The following FRMD6 variants were observed in gnomAD, a reference collection of about 807,000 sequenced individuals.
FRMD6 encodes the protein FERM domain-containing protein 6.
FRMD6 carries 37 observed loss-of-function variants against 73.2 expected under a neutral mutation model. The observed-to-expected ratio is 0.51, with a 90% CI of 0.39 to 0.66. The LOEUF is 0.66. Among genes scored for constraint, FRMD6 ranks in the 30% least tolerant of loss-of-function variants. The probability of loss-of-function intolerance (pLI) is 0.00; values close to 1 mark genes in which losing one functional copy is unlikely to be tolerated. For synonymous variants in FRMD6, 273 were observed against 282.2 expected (o/e 0.97, Z 0.33); for missense variants, 714 against 780.5 (o/e 0.91, Z 1.02).
At chr14:51,505,771 G>A (rs899565375) in intron 1 of FRMD6, among the ~76,000 whole-genome samples, 7 of 151,964 alleles carry the variant, frequency 4.6e-5, no homozygotes, top group South Asian at 2.1e-4. Context: ...GTCCCCCCTC[G>A]ACTCGATCAC....
chr14:51,426,347 G>T, the FRMD6 span, among the ~76,000 whole-genome samples: 3 of 151,956 alleles, frequency 2.0e-5, no homozygotes, highest in Non-Finnish European at 4.4e-5. Flanking sequence ...CTGTGCCCGC[G>T]TCTGTGTGTC....
chr14:51,433,241 T>C, the FRMD6 span, among the ~76,000 whole-genome samples: 1 of 152,180 alleles, frequency 6.6e-6, no homozygotes, highest in South Asian at 2.1e-4. Context: ...ATATACAAGA[T>C]TGTTCATTGA....
At chr14:51,567,079 G>A (rs1887813605) in intron 1 of FRMD6, among the ~76,000 whole-genome samples, 1 of 152,214 alleles carries the variant, frequency 6.6e-6, no homozygotes, top group Admixed American at 6.5e-5. Context: ...AGTAGTTAGT[G>A]CCCCATCTGA....
At chr14:51,472,023 C>T in the FRMD6 span, among the ~76,000 whole-genome samples, 1 of 152,200 alleles carries the variant, frequency 6.6e-6, no homozygotes, top group African/African-American at 2.4e-5. Context: ...ACACCAGACC[C>T]TATGAGGCAA....
intron 1 of FRMD6, among the ~76,000 whole-genome samples, chr14:51,564,599 G>C (rs185682349): frequency 9.9e-5 from 15 of 152,252 alleles, no homozygotes; most frequent in Admixed American, 7.8e-4. Context: ...AGAATAATAG[G>C]TGGTTTAAAG....
intron 1 of FRMD6, among the ~76,000 whole-genome samples, chr14:51,520,075 A>G (rs1200505112): frequency 6.6e-6 from 1 of 152,224 alleles, no homozygotes; most frequent in African/African-American, 2.4e-5. Flanking sequence ...ATACATATAT[A>G]TGTCAAAAAA....
At chr14:51,701,474 A>G (rs940651465) in intron 4 of FRMD6, among the ~76,000 whole-genome samples, 14 of 143,684 alleles carry the variant, frequency 9.7e-5, no homozygotes, top group African/African-American at 3.1e-4. Context: ...TCTAAAATGT[A>G]TATATATATA....
At chr14:51,651,426 C>G (rs1892365319), upstream of FRMD6, 1 of 152,294 alleles carries the variant, frequency 6.6e-6, no homozygotes, top group African/African-American at 2.4e-5. Flanking sequence ...TCAGGCCAAA[C>G]AGCCGCCCCC....
Position 51,730,586 on chromosome 14 carries a change from A to G in FRMD6, c.*2557A>G, listed in dbSNP as rs945336583. On this transcript the variant is annotated 3_prime_UTR_variant, in exon 14 of 14. Coordinates refer to ENST00000344768, the MANE Select transcript of FRMD6 (RefSeq NM_001267046.2). ...AGCTTTATATCTACATAAACTGTAAATAATCCTTTCTGTGAAAGGATCATC... is the reference window on the plus strand; with the variant it reads ...AGCTTTATATCTACATAAACTGTAAGTAATCCTTTCTGTGAAAGGATCATC... 15 of 152,616 alleles carry G rather than the reference A, an allele frequency of 9.8e-5. No homozygotes were observed. Among genetic ancestry groups the G allele is most frequent in the African/African-American group, 3.6e-4 (15 of 41,460 alleles). 9.5% of individuals were successfully genotyped at this position (152,616 alleles called of 1,614,324 possible).
chr14:51,475,720 A>T, the FRMD6 span, among the ~76,000 whole-genome samples: 1 of 152,364 alleles, frequency 6.6e-6, no homozygotes. Flanking sequence ...TTTCTAGATC[A>T]TCAAAGGATG....
chr14:51,515,332 C>A (rs1293462378), intron 1 of FRMD6, among the ~76,000 whole-genome samples: 1 of 152,252 alleles, frequency 6.6e-6, no homozygotes, highest in Non-Finnish European at 1.5e-5. Flanking sequence ...TCTAACTAGT[C>A]CCTTTGCCCA....
chr14:51,573,161 G>A (rs1888221412), intron 2 of FRMD6, among the ~76,000 whole-genome samples: 1 of 152,162 alleles, frequency 6.6e-6, no homozygotes, highest in South Asian at 2.1e-4. Flanking sequence ...CAGGCTTCTA[G>A]CCAAGATAGA....
At chr14:51,621,265 C>T (rs1890915536) in intron 2 of FRMD6, among the ~76,000 whole-genome samples, 1 of 152,126 alleles carries the variant, frequency 6.6e-6, no homozygotes, top group African/African-American at 2.4e-5. Context: ...TTGGATCCAG[C>T]AGCCAACCCA....
intron 2 of FRMD6, among the ~76,000 whole-genome samples, chr14:51,597,112 A>G (rs1889762342): frequency 6.6e-6 from 1 of 152,230 alleles, no homozygotes; most frequent in Non-Finnish European, 1.5e-5. Flanking sequence ...TTTTTGTACC[A>G]TGTGGTAAAT....
chr14:51,668,277 A>G (rs1893744294), intron 1 of FRMD6, among the ~76,000 whole-genome samples: 1 of 152,196 alleles, frequency 6.6e-6, no homozygotes, highest in Non-Finnish European at 1.5e-5. Flanking sequence ...TAAGGGTAAG[A>G]TACTAAGGAC....
At chr14:51,561,065 T>C (rs1186426422) in intron 1 of FRMD6, among the ~76,000 whole-genome samples, 1 of 152,338 alleles carries the variant, frequency 6.6e-6, no homozygotes, top group African/African-American at 2.4e-5. Flanking sequence ...GCCATCCCAC[T>C]TGAAAACATC....
At chr14:51,420,233 T>C in the FRMD6 span, among the ~76,000 whole-genome samples, 1 of 152,230 alleles carries the variant, frequency 6.6e-6, no homozygotes, top group Non-Finnish European at 1.5e-5. Flanking sequence ...ACTTCTATTA[T>C]GTAAAGTCAC....
chr14:51,650,471 C>T (rs1480763787), upstream of FRMD6: 2 of 141,434 alleles, frequency 1.4e-5, no homozygotes, highest in Non-Finnish European at 3.0e-5. Flanking sequence ...TCTCGGCTCA[C>T]TGCAAGCTCC....
At chr14:51,463,962 C>T in the FRMD6 span, among the ~76,000 whole-genome samples, 12 of 152,114 alleles carry the variant, frequency 7.9e-5, no homozygotes, top group East Asian at 7.7e-4. Context: ...GGACTACAGG[C>T]GTGCACTACC....
Sources: allele counts gnomAD v4.1 joint callset (sites outside exome capture counted in the v4.1 genomes callset), GRCh38; gene constraint gnomAD v4.1.1; transcripts MANE v1.5; gene names NCBI Gene and HGNC (gene_info 2026-07-23, HGNC 2026-07-21).